The following PDE8B variants were observed in gnomAD, a reference collection of about 807,000 sequenced individuals.
PDE8B encodes high affinity cAMP-specific and IBMX-insensitive 3',5'-cyclic phosphodiesterase 8B.
PDE8B carries 26 observed loss-of-function variants against 101.3 expected under a neutral mutation model. The observed-to-expected ratio is 0.26, with a 90% confidence interval of 0.19 to 0.36. The LOEUF is 0.36. Among genes scored for constraint, PDE8B ranks in the 10% least tolerant of loss-of-function variants. The pLI is 1.00. For missense variants in PDE8B, 810 were observed against 1,163.1 expected (o/e 0.70, Z 4.42); for synonymous variants, 424 against 429.3 (o/e 0.99, Z 0.15).
chr5:77,283,392 T>C (rs1390924256), intron 1 of PDE8B, among the ~76,000 whole-genome samples: 1 of 152,204 alleles, frequency 6.6e-6, no homozygotes, highest in African/African-American at 2.4e-5. Flanking sequence ...CTCTTGATGT[T>C]GTACCTTCTG....
intron 2 of PDE8B, among the ~76,000 whole-genome samples, chr5:77,322,118 G>A (rs1479599): frequency 1.3e-5 from 2 of 152,140 alleles, no homozygotes; most frequent in Non-Finnish European, 2.9e-5. Context: ...AAAGGTCTGG[G>A]ACATATTGGT....
intron 19 of PDE8B, 125 bp downstream of exon 19, chr5:77,420,012 G>A (rs746735876): frequency 3.3e-5 from 37 of 1,115,096 alleles, no homozygotes; most frequent in Non-Finnish European, 4.7e-5. Context: ...GTTGATAAAG[G>A]GCTGAAAGGA....
At chr5:77,294,475 T>C (rs1768069146) in intron 1 of PDE8B, among the ~76,000 whole-genome samples, 1 of 152,092 alleles carries the variant, frequency 6.6e-6, no homozygotes, top group South Asian at 2.1e-4. Context: ...GAGAAAAGTA[T>C]GCCCACAAAG....
the PDE8B span, among the ~76,000 whole-genome samples, chr5:77,157,762 T>A: frequency 6.6e-6 from 1 of 152,234 alleles, no homozygotes; most frequent in Non-Finnish European, 1.5e-5. Context: ...GTCTTTCCCT[T>A]AACCAAAACT....
At chr5:77,179,794 C>G in the PDE8B span, among the ~76,000 whole-genome samples, 2 of 152,078 alleles carry the variant, frequency 1.3e-5, no homozygotes, top group African/African-American at 4.8e-5. Flanking sequence ...TTCCTGGCCT[C>G]GAGAGATCCT....
intron 2 of PDE8B, among the ~76,000 whole-genome samples, chr5:77,321,909 A>G (rs2150203033): frequency 6.6e-6 from 1 of 152,294 alleles, no homozygotes; most frequent in South Asian, 2.1e-4. Context: ...AACAATTGGC[A>G]TTGAAAAAAT....
intron 1 of PDE8B, 59 bp from the exon 2 acceptor site, chr5:77,311,935 G>A (rs1222238516): frequency 1.5e-6 from 2 of 1,297,278 alleles, no homozygotes; most frequent in Middle Eastern, 1.8e-4. Context: ...CGTAAGGAAG[G>A]ATGTATCCAT....
chr5:77,277,274 A>G (rs1455333439), intron 1 of PDE8B, among the ~76,000 whole-genome samples: 2 of 152,234 alleles, frequency 1.3e-5, no homozygotes, highest in African/African-American at 4.8e-5. Flanking sequence ...ATATTAATGT[A>G]ATATGTTAGT....
intron 10 of PDE8B, among the ~76,000 whole-genome samples, chr5:77,394,081 C>A (rs1790512915): frequency 6.6e-6 from 1 of 152,186 alleles, no homozygotes; most frequent in East Asian, 1.9e-4. Context: ...ACTACATTGC[C>A]ATAAAGTAAG....
chr5:77,409,954 C>T (rs1382848109), intron 14 of PDE8B, among the ~76,000 whole-genome samples: 1 of 152,248 alleles, frequency 6.6e-6, no homozygotes, highest in Non-Finnish European at 1.5e-5. Context: ...CAGTGCAGAC[C>T]TCAGCTTCTA....
chr5:77,291,005 G>C (rs1767198453), intron 1 of PDE8B: 12 of 1,612,146 alleles, frequency 7.4e-6, no homozygotes, highest in Non-Finnish European at 8.5e-6. Flanking sequence ...CCTTCACCGG[G>C]AGCACTCAGG....
intron 7 of PDE8B, among the ~76,000 whole-genome samples, chr5:77,348,472 G>A (rs748866252): frequency 4.6e-5 from 7 of 152,140 alleles, no homozygotes; most frequent in African/African-American, 1.2e-4. Context: ...GCCGAGGGGA[G>A]CTTCACACCT....
chr5:77,420,870 T>C (rs1053510333), intron 19 of PDE8B, among the ~76,000 whole-genome samples: 5 of 152,224 alleles, frequency 3.3e-5, no homozygotes, highest in African/African-American at 9.6e-5. Flanking sequence ...CAGTATTACT[T>C]TGATAAGTAA....
In PDE8B at chr5:77,351,074, G is replaced by A; in HGVS notation, c.1027G>A (p.Gly343Arg). The change falls in exon 9 of 22, where the codon GGG (glycine) becomes AGG (arginine). Residue 343 changes from glycine to arginine, a missense_variant. Gly to Arg is a moderately radical substitution (Grantham distance 125, BLOSUM62 -2). Around this residue, in one of 4 missense-constraint regions of PDE8B, gnomAD observed 251 missense variants for 378.8 expected, o/e 0.66. Coordinates refer to ENST00000264917, the MANE Select transcript of PDE8B (RefSeq NM_003719.5). ...TCIKKGKEWQGVYYARRKSGD... is the reference protein window; with the variant it reads ...TCIKKGKEWQRVYYARRKSGD... Reference sequence around the variant, plus strand: ...CTCTTTGTCCATGTAGGAGTGGCAGGGGGTTTACTATGCCAGACGGAAATC... The same window carrying A: ...CTCTTTGTCCATGTAGGAGTGGCAGAGGGTTTACTATGCCAGACGGAAATC... 1 of 1,613,290 alleles carries A rather than the reference G, an allele frequency of 6.2e-7. No homozygotes were observed. Among genetic ancestry groups the A allele is most frequent in the Non-Finnish European group, 8.5e-7 (1 of 1,179,210 alleles).
intron 2 of PDE8B, among the ~76,000 whole-genome samples, chr5:77,321,142 ATTTTTTTTTTTTTTT>A (rs10538529): frequency 1.3e-5 from 1 of 76,436 alleles, no homozygotes; most frequent in East Asian, 3.7e-4. Context: ...CAGTATCTCT[ATTTTTTTTTTTTTTT>A]TTTTTTTTTG....
the PDE8B span, among the ~76,000 whole-genome samples, chr5:77,182,538 A>G: frequency 1.3e-5 from 2 of 152,072 alleles, no homozygotes. Flanking sequence ...GAAGCCCCAC[A>G]CTAACCCCTC....
In PDE8B at chr5:77,297,507, T is replaced by C. The variant is rs528020256; in HGVS notation, c.340-14487T>C. On this transcript the variant is annotated intron_variant, in intron 1 of 21. Coordinates refer to ENST00000264917, the MANE Select transcript of PDE8B (RefSeq NM_003719.5). ...ATGTTTCCCCTTCTAATAAGTTCCATGTGATGCTGATGCTGCTGGTTCAGG... is the reference window on the plus strand; with the variant it reads ...ATGTTTCCCCTTCTAATAAGTTCCACGTGATGCTGATGCTGCTGGTTCAGG... Among the ~76,000 whole-genome samples the C allele has an allele frequency of 7.9e-5, 12 of 152,294 alleles. 1 individual carries two copies. In the East Asian group the frequency reaches 2.3e-3, roughly 29 times the overall value.
At chr5:77,110,626 G>T in the PDE8B span, among the ~76,000 whole-genome samples, 89,601 of 151,946 alleles carry the variant, frequency 0.59, 26,590 homozygotes, top group East Asian at 0.72. Context: ...GATACAAGCT[G>T]CAGCTTTCTA....
intron 10 of PDE8B, among the ~76,000 whole-genome samples, chr5:77,359,921 C>T (rs1441622654): frequency 6.6e-6 from 1 of 152,030 alleles, no homozygotes; most frequent in Non-Finnish European, 1.5e-5. Flanking sequence ...CATGGTGAAA[C>T]CCCGTCTCTA....
Sources: allele counts gnomAD v4.1 joint callset (sites outside exome capture counted in the v4.1 genomes callset), GRCh38; gene constraint gnomAD v4.1.1; regional missense constraint gnomAD v4.1.1; transcripts MANE v1.5; gene names NCBI Gene and HGNC (gene_info 2026-07-23, HGNC 2026-07-21).